The following MAPK10 variants were observed in gnomAD, a reference collection of about 807,000 sequenced individuals.
MAPK10 encodes mitogen-activated protein kinase 10, also known as JNK3 alpha protein kinase.
A neutral mutation model predicts 59.3 loss-of-function variants in MAPK10; 25 were observed. The ratio of observed to expected loss-of-function variants is 0.42; its 90% CI spans 0.31 to 0.59. The LOEUF (loss-of-function observed/expected upper bound fraction) is 0.59, where lower values mean the gene tolerates loss of function less well. MAPK10 is among the 20% of genes least tolerant of loss of function. The probability of loss-of-function intolerance (pLI) is 0.15; values close to 1 mark genes in which losing one functional copy is unlikely to be tolerated. For missense variants in MAPK10, 351 were observed against 568.9 expected, an observed-to-expected ratio of 0.62 and a Z score of 3.90; for synonymous variants, 190 against 200.5, an observed-to-expected ratio of 0.95 and a Z score of 0.44.
intron 1 of MAPK10, among the ~76,000 whole-genome samples, chr4:86,405,382 G>C (rs1338871975): frequency 6.6e-6 from 1 of 152,152 alleles, no homozygotes; most frequent in African/African-American, 2.4e-5. Flanking sequence ...TAAAGACAAA[G>C]TTTGCTGTGT....
chr4:86,227,275 C>T (rs2090786286), intron 2 of MAPK10, among the ~76,000 whole-genome samples: 1 of 152,060 alleles, frequency 6.6e-6, no homozygotes, highest in Non-Finnish European at 1.5e-5. Context: ...ATCACGAGGT[C>T]AGGAGATCGA....
intron 1 of MAPK10, among the ~76,000 whole-genome samples, chr4:86,584,024 T>C (rs915041569): frequency 2.0e-5 from 3 of 152,276 alleles, no homozygotes; most frequent in Middle Eastern, 3.4e-3. Context: ...TGTATGAATG[T>C]GTGTGAGTGT....
At chr4:86,209,569 TATC>T (rs2085200861) in intron 2 of MAPK10, among the ~76,000 whole-genome samples, 1 of 152,090 alleles carries the variant, frequency 6.6e-6, no homozygotes, top group Admixed American at 6.6e-5. Context: ...TTTCCATAGT[TATC>T]ATATTAGTAG....
intron 1 of MAPK10, among the ~76,000 whole-genome samples, chr4:86,377,414 C>T (rs2148998130): frequency 6.6e-6 from 1 of 152,270 alleles, no homozygotes; most frequent in Admixed American, 6.5e-5. Context: ...TACTGTGCCT[C>T]TGCAGTCAGG....
Position 86,553,609 on chromosome 4 carries a change from C to T in MAPK10, c.-263+40301G>A, listed in dbSNP as rs184910994. Among the ~76,000 whole-genome samples, 11 of 152,228 alleles carry T rather than the reference C, an allele frequency of 7.2e-5. No homozygotes were observed. In the East Asian group the frequency reaches 7.7e-4, roughly 11 times the overall value. On this transcript the variant is annotated intron_variant, in intron 1 of 4. Coordinates refer to the MAPK10 transcript ENST00000502302. ...TGTCCCCAAGGGGGAACAAAAGCTA[C>T]GTGTGCACTTTCAGGTATGCTGGGG...
At chr4:86,053,733 T>A (rs924421879) in intron 11 of MAPK10, among the ~76,000 whole-genome samples, 3 of 152,166 alleles carry the variant, frequency 2.0e-5, no homozygotes, top group African/African-American at 7.2e-5. Flanking sequence ...ACACGTTGGA[T>A]AATCTCTTTT....
At chr4:86,136,658 T>C (rs1312582310) in intron 4 of MAPK10, among the ~76,000 whole-genome samples, 1 of 148,944 alleles carries the variant, frequency 6.7e-6, no homozygotes, top group Non-Finnish European at 1.5e-5. Context: ...AACATCATAA[T>C]GACAGGATCA....
intron 2 of MAPK10, among the ~76,000 whole-genome samples, chr4:86,238,807 C>T (rs2092488680): frequency 1.3e-5 from 2 of 152,186 alleles, no homozygotes; most frequent in African/African-American, 4.8e-5. Context: ...GACAATTTGA[C>T]TTCCTCTCTT....
At position 86,056,391 on chromosome 4, in the gene MAPK10, A is replaced by G. The variant is rs183676832; in HGVS notation, c.1110+7875T>C. Among the ~76,000 whole-genome samples, 537 of 150,386 alleles carry G rather than the reference A, an allele frequency of 3.6e-3. 30 individuals carry two copies. The highest frequency in any genetic ancestry group is 7.4e-3 in the Admixed American group (113 of 15,172). ...ATTTTTCCTTATCATTCCTAAATTC[A>G]TATATACTGAGTCTAACAAAGTACA... On this transcript the variant is annotated intron_variant, in intron 11 of 13. Coordinates refer to ENST00000641462, the MANE Select transcript of MAPK10 (RefSeq NM_138982.4).
At chr4:86,484,513 C>T (rs1753842848) in intron 1 of MAPK10, among the ~76,000 whole-genome samples, 1 of 152,126 alleles carries the variant, frequency 6.6e-6, no homozygotes, top group Non-Finnish European at 1.5e-5. Flanking sequence ...TGCTTTGTGA[C>T]TCTGTGCAAG....
chr4:86,066,170 G>A (rs989832440), intron 10 of MAPK10, among the ~76,000 whole-genome samples: 12 of 151,916 alleles, frequency 7.9e-5, no homozygotes, highest in Non-Finnish European at 1.6e-4. Context: ...TTAAACTTGA[G>A]AATTTTTTAT....
At chr4:86,439,164 T>A (rs1432850725) in intron 1 of MAPK10, among the ~76,000 whole-genome samples, 1 of 152,220 alleles carries the variant, frequency 6.6e-6, no homozygotes. Flanking sequence ...TGTACAGGTC[T>A]ATGAGTTTTG....
intron 1 of MAPK10, among the ~76,000 whole-genome samples, 154 bp from the exon 2 acceptor site, chr4:86,354,798 C>T (rs1285184576): frequency 1.3e-5 from 2 of 152,120 alleles, no homozygotes; most frequent in Non-Finnish European, 2.9e-5. Flanking sequence ...CTCTATTCAT[C>T]ATTTATTGCA....
chr4:86,401,947 T>C (rs1190254601), intron 1 of MAPK10, among the ~76,000 whole-genome samples: 1 of 152,092 alleles, frequency 6.6e-6, no homozygotes, highest in Non-Finnish European at 1.5e-5. Flanking sequence ...TCCTCCCCTA[T>C]GTTCTACTGT....
chr4:86,127,204 TA>T (rs5860018), intron 4 of MAPK10, among the ~76,000 whole-genome samples: 105,775 of 136,194 alleles, frequency 0.78, 41,069 homozygotes, highest in South Asian at 0.9. Context: ...TTAGCTTAAT[TA>T]AAAAAAAAAA....
chr4:86,559,474 C>T (rs1187289655), intron 1 of MAPK10, among the ~76,000 whole-genome samples: 1 of 152,140 alleles, frequency 6.6e-6, no homozygotes, highest in Non-Finnish European at 1.5e-5. Flanking sequence ...CAAATAGTCT[C>T]TCTTTCTCCA....
intron 9 of MAPK10, 148 bp downstream of exon 9, chr4:86,098,376 A>C: frequency 8.4e-6 from 10 of 1,197,254 alleles, no homozygotes; most frequent in Non-Finnish European, 1.1e-5. Flanking sequence ...AGTACTGGTC[A>C]GATTATAGAA....
chr4:86,527,297 G>A (rs1357041404), intron 1 of MAPK10, among the ~76,000 whole-genome samples: 3 of 84,542 alleles, frequency 3.5e-5, no homozygotes, highest in Non-Finnish European at 7.6e-5. Context: ...GAGCAACAGA[G>A]TGAGACACTG....
intron 2 of MAPK10, among the ~76,000 whole-genome samples, chr4:86,223,215 C>A (rs1266076124): frequency 6.6e-6 from 1 of 152,068 alleles, no homozygotes; most frequent in African/African-American, 2.4e-5. Context: ...TTTAATGAGG[C>A]CCCCTTTTAC....
Sources: gnomAD v4.1 joint callset for allele counts (sites outside exome capture counted in the v4.1 genomes callset) on GRCh38, gnomAD v4.1.1 for gene constraint, MANE v1.5 for transcripts, NCBI Gene and HGNC (gene_info 2026-07-23, HGNC 2026-07-21) for gene names.